PHACTR1: variants seen among roughly 807,000 people sequenced by gnomAD.
The protein encoded by PHACTR1 is RPEL repeat containing 1.
In PHACTR1, 16 loss-of-function variants were observed where a neutral mutation model predicts 69.2. The ratio of observed to expected loss-of-function variants is 0.23; its 90% CI spans 0.16 to 0.35. PHACTR1 has a LOEUF of 0.35. Ranked by LOEUF, PHACTR1 falls within the 10% of genes least tolerant of loss-of-function variation. The probability of loss-of-function intolerance (pLI) is 1.00; values close to 1 mark genes in which losing one functional copy is unlikely to be tolerated. For synonymous variants in PHACTR1, 312 were observed against 284.5 expected (o/e 1.10, Z -0.97); for missense variants, 510 against 734.7 (o/e 0.69, Z 3.54).
intron 4 of PHACTR1, among the ~76,000 whole-genome samples, chr6:12,776,220 A>C (rs1438094884): frequency 6.6e-6 from 1 of 152,266 alleles, no homozygotes; most frequent in East Asian, 1.9e-4. Context: ...CTGATTATGT[A>C]GCCAACACTG....
chr6:12,788,390 G>C (rs912391007), intron 4 of PHACTR1, among the ~76,000 whole-genome samples: 16 of 152,098 alleles, frequency 1.1e-4, no homozygotes, highest in African/African-American at 3.6e-4. Context: ...GAATGACTTA[G>C]TGATGATATA....
intron 7 of PHACTR1, among the ~76,000 whole-genome samples, chr6:13,184,525 A>T (rs942935539): frequency 6.6e-6 from 1 of 152,182 alleles, no homozygotes; most frequent in Non-Finnish European, 1.5e-5. Flanking sequence ...GAAATGGTCA[A>T]GTGTTTGATG....
chr6:12,998,452 C>G lies in PHACTR1; in HGVS notation c.251-54913C>G, dbSNP rs112662440. Among the ~76,000 whole-genome samples the G allele has an allele frequency of 7.6e-3, 1,155 of 151,854 alleles. 14 individuals are homozygous for G. Among genetic ancestry groups the G allele is most frequent in the African/African-American group, 0.026 (1,071 of 41,414 alleles). On this transcript the variant is annotated intron_variant, in intron 4 of 14. Transcript: ENST00000332995. Reference sequence around the variant, plus strand: ...TGGACAACATAGTGAGATCTCATGTCTACTTAAAGAAAAATTAGCCAGGCA... The same window carrying G: ...TGGACAACATAGTGAGATCTCATGTGTACTTAAAGAAAAATTAGCCAGGCA...
chr6:12,933,888 G>T, intron 4 of PHACTR1: 1 of 1,612,436 alleles, frequency 6.2e-7, no homozygotes, highest in South Asian at 1.1e-5. Context: ...GAAGAGTTTG[G>T]CTGAGAGGAC....
chr6:13,256,855 G>A (rs777716137), intron 10 of PHACTR1, among the ~76,000 whole-genome samples: 9 of 151,784 alleles, frequency 5.9e-5, no homozygotes, highest in Admixed American at 1.3e-4. Context: ...CAAATGTTCC[G>A]TCATCTTCCT....
intron 10 of PHACTR1, among the ~76,000 whole-genome samples, chr6:13,271,708 T>G (rs975488528): frequency 1.3e-5 from 2 of 152,126 alleles, no homozygotes; most frequent in African/African-American, 4.8e-5. Flanking sequence ...GTTTTTTTTT[T>G]TAATATTTTC....
At chr6:12,968,257 C>A (rs1161601969) in intron 4 of PHACTR1, among the ~76,000 whole-genome samples, 1 of 152,136 alleles carries the variant, frequency 6.6e-6, no homozygotes, top group Non-Finnish European at 1.5e-5. Flanking sequence ...GCATTGTAGC[C>A]GTTAAAAGCC....
intron 4 of PHACTR1, among the ~76,000 whole-genome samples, chr6:12,815,687 C>T (rs561801726): frequency 4.6e-5 from 7 of 152,276 alleles, no homozygotes; most frequent in East Asian, 3.9e-4. Flanking sequence ...CTGGAAAAAG[C>T]GGTAAAGGGT....
At chr6:12,955,822 C>T (rs1251862278) in intron 4 of PHACTR1, among the ~76,000 whole-genome samples, 2 of 152,108 alleles carry the variant, frequency 1.3e-5, no homozygotes, top group Non-Finnish European at 1.5e-5. Context: ...CTCTGCAAAG[C>T]GGAACACCAA....
chr6:12,851,328 G>A (rs6900427), intron 4 of PHACTR1, among the ~76,000 whole-genome samples: 14,521 of 152,160 alleles, frequency 0.095, 887 homozygotes, highest in African/African-American at 0.17. Context: ...ATAACAATCT[G>A]GGACATTAAT....
intron 4 of PHACTR1, among the ~76,000 whole-genome samples, chr6:12,768,401 A>G (rs1218908847): frequency 6.6e-6 from 1 of 152,162 alleles, no homozygotes; most frequent in African/African-American, 2.4e-5. Context: ...GGCGTGAGCC[A>G]CCGCGCCCGG....
At chr6:12,941,333 C>T (rs1268133459) in intron 4 of PHACTR1, among the ~76,000 whole-genome samples, 1 of 152,114 alleles carries the variant, frequency 6.6e-6, no homozygotes, top group African/African-American at 2.4e-5. Context: ...GTGCTTGGCC[C>T]ACTGCAGTTG....
At chr6:13,102,998 TTTTC>T (rs1175138770) in intron 5 of PHACTR1, among the ~76,000 whole-genome samples, 9 of 152,206 alleles carry the variant, frequency 5.9e-5, no homozygotes, top group African/African-American at 2.2e-4. Context: ...AGCCATGCTA[TTTTC>T]TTTCTTTCTG....
intron 4 of PHACTR1, among the ~76,000 whole-genome samples, chr6:12,816,991 G>C (rs1229112563): frequency 6.6e-6 from 1 of 152,204 alleles, no homozygotes; most frequent in Non-Finnish European, 1.5e-5. Context: ...ACAGGGTTGT[G>C]TGTGTGGGGG....
At chr6:12,892,412 T>C (rs934032794) in intron 4 of PHACTR1, among the ~76,000 whole-genome samples, 1 of 152,184 alleles carries the variant, frequency 6.6e-6, no homozygotes, top group Non-Finnish European at 1.5e-5. Context: ...TGGATTTAAT[T>C]AATACAGAGC....
At chr6:13,047,124 T>A (rs1156497177) in intron 4 of PHACTR1, among the ~76,000 whole-genome samples, 2 of 152,138 alleles carry the variant, frequency 1.3e-5, no homozygotes, top group Non-Finnish European at 2.9e-5. Flanking sequence ...ACACCTGTAG[T>A]CCCAGCACTT....
At chr6:13,229,570 GTC>G (rs1562032569) in intron 9 of PHACTR1, among the ~76,000 whole-genome samples, 1 of 151,336 alleles carries the variant, frequency 6.6e-6, no homozygotes, top group African/African-American at 2.4e-5. Flanking sequence ...GATCTTTTCT[GTC>G]TCTTGAGATT....
chr6:12,784,941 T>A (rs1771357172), intron 4 of PHACTR1, among the ~76,000 whole-genome samples: 1 of 151,756 alleles, frequency 6.6e-6, no homozygotes, highest in Non-Finnish European at 1.5e-5. Context: ...ACTCCCAACC[T>A]CAGATGATCC....
intron 4 of PHACTR1, among the ~76,000 whole-genome samples, chr6:12,940,744 C>T (rs1789975752): frequency 6.6e-6 from 1 of 152,178 alleles, no homozygotes; most frequent in Non-Finnish European, 1.5e-5. Context: ...TGCTGTGCTG[C>T]TCATCTGTGC....
Sources: gnomAD v4.1 joint callset for allele counts (sites outside exome capture counted in the v4.1 genomes callset) on GRCh38, gnomAD v4.1.1 for gene constraint, MANE v1.5 for transcripts, NCBI Gene and HGNC (gene_info 2026-07-23, HGNC 2026-07-21) for gene names.